The following ZXDC variants were observed in gnomAD, a reference collection of about 807,000 sequenced individuals.
The protein encoded by ZXDC is ZXD family zinc finger C, also known as zinc finger protein ZXDC.
ZXDC carries 58 observed loss-of-function variants against 63.6 expected under a neutral mutation model. The ratio of observed to expected loss-of-function variants is 0.91; its 90% CI spans 0.74 to 1.13. ZXDC has a LOEUF of 1.13. Ranked by LOEUF, ZXDC falls within the 50% of genes most tolerant of loss-of-function variation. The pLI, the probability that ZXDC is intolerant of heterozygous loss-of-function variation, is 0.00. For missense variants in ZXDC, 1,133 were observed against 1,148.9 expected, an observed-to-expected ratio of 0.99 and a Z score of 0.20; for synonymous variants, 561 against 496.1, an observed-to-expected ratio of 1.13 and a Z score of -1.74.
chr3:126,461,698 A>C lies in ZXDC; in HGVS notation c.1964T>G (p.Leu655Arg), dbSNP rs971920080. 6.2e-7 allele frequency: 1 copy of C among 1,609,482 alleles called. No individual in the cohort carries two copies. Among genetic ancestry groups the C allele is most frequent in the African/African-American group, 1.4e-5 (1 of 73,146 alleles). ...CGGCTCCACCTTGATTGGAGCCAGC[A>C]GTTCCGGGACACTGGCATTTTCTCG... The part of the protein sequence containing the change: ...TPRENASVPE[L>R]LAPIKVEPDS... The change falls in exon 6 of 10, where the codon CTG (leucine) becomes CGG (arginine). Residue 655 changes from leucine (L) to arginine (R), a missense_variant. Coordinates refer to ENST00000389709, the MANE Select transcript of ZXDC (RefSeq NM_025112.5).
At chr3:126,466,016 G>C in intron 5 of ZXDC, 139 bp downstream of exon 5, 2 of 934,214 alleles carry the variant, frequency 2.1e-6, no homozygotes, top group Non-Finnish European at 3.2e-6. Flanking sequence ...TGCAAAAGAG[G>C]CCACTTGGCT....
intron 7 of ZXDC, chr3:126,453,747 T>C (rs1168871602): frequency 1.0e-6 from 1 of 978,340 alleles, no homozygotes; most frequent in Non-Finnish European, 1.2e-6. Flanking sequence ...CAGGCTGCAG[T>C]GCAATGGTGC....
At chr3:126,454,109 TA>T in intron 7 of ZXDC, 1 of 946,632 alleles carries the variant, frequency 1.1e-6, no homozygotes, top group Non-Finnish European at 1.3e-6. Flanking sequence ...CCTGATGCCC[TA>T]ATTTGTTCCA....
At chr3:126,454,255 G>A in intron 7 of ZXDC, 2 of 984,520 alleles carry the variant, frequency 2.0e-6, no homozygotes, top group Non-Finnish European at 2.4e-6. Flanking sequence ...CTTTCAAACT[G>A]CTAGTTTCTA....
chr3:126,461,456 G>A, intron 6 of ZXDC, 79 bp downstream of exon 6: 1 of 1,504,698 alleles, frequency 6.6e-7, no homozygotes, highest in South Asian at 1.4e-5. Context: ...TGCATAGAAA[G>A]GATTAATCCA....
intron 7 of ZXDC, chr3:126,454,797 T>C (rs1320571402): frequency 1.0e-6 from 1 of 985,346 alleles, no homozygotes; most frequent in Admixed American, 6.1e-5. Context: ...AACTTTGCTA[T>C]TCATTTCAAG....
Position 126,461,026 on chromosome 3 carries a change from A to T in ZXDC, c.2127+509T>A, listed in dbSNP as rs965806908. 343 of 984,616 alleles carry T rather than the reference A, an allele frequency of 3.5e-4. 1 individual carries two copies. Among genetic ancestry groups the T allele is most frequent in the Non-Finnish European group, 4.0e-4 (328 of 829,260 alleles). 61.0% of individuals were successfully genotyped at this position (984,616 alleles called of 1,614,324 possible). A position where few individuals can be genotyped will look rare whatever the true frequency, so the allele number is the denominator to read the frequency against. On this transcript the variant is annotated intron_variant, in intron 6 of 9. Transcript: ENST00000389709. ...TAAAGTATATTAACTGTCCAGCCTC[A>T]AAACTGGGGAAGTACTCTTATAATC...
intron 1 of ZXDC, 146 bp downstream of exon 1, chr3:126,474,813 G>A: frequency 2.0e-6 from 2 of 995,446 alleles, no homozygotes; most frequent in Non-Finnish European, 2.9e-6. Context: ...CAAATCGAAT[G>A]ACATGGAAGG....
At chr3:126,464,186 C>T (rs537615360) in intron 5 of ZXDC, among the ~76,000 whole-genome samples, 1 of 152,338 alleles carries the variant, frequency 6.6e-6, no homozygotes, top group African/African-American at 2.4e-5. Flanking sequence ...TAAACATTTA[C>T]TACCAGAGAC....
intron 7 of ZXDC, among the ~76,000 whole-genome samples, chr3:126,448,362 A>T (rs1169608823): frequency 6.6e-6 from 1 of 152,218 alleles, no homozygotes; most frequent in African/African-American, 2.4e-5. Context: ...TGGTGCGCTC[A>T]GTACAGCCGT....
At chr3:126,466,961 C>T (rs1049682641) in intron 4 of ZXDC, among the ~76,000 whole-genome samples, 24 of 152,154 alleles carry the variant, frequency 1.6e-4, no homozygotes, top group African/African-American at 2.2e-4. Flanking sequence ...CTTTCTACTA[C>T]GCTGGAGCTC....
chr3:126,448,236 T>C (rs954413228), intron 7 of ZXDC, among the ~76,000 whole-genome samples: 2 of 152,354 alleles, frequency 1.3e-5, no homozygotes, highest in Middle Eastern at 3.4e-3. Context: ...TATTAGCTTT[T>C]ATTTGAGGTC....
Position 126,438,461 on chromosome 3 carries a change from C to T in ZXDC, c.2491G>A (p.Glu831Lys), listed in dbSNP as rs769944254. The change falls in exon 10 of 10, where the codon GAG becomes AAG. Residue 831 changes from glutamate (E) to lysine (K), a missense_variant and splice_region_variant. Coordinates refer to ENST00000389709, the MANE Select transcript of ZXDC (RefSeq NM_025112.5). The stretch of plus-strand genomic sequence containing the variant: ...GGGCCTCCAGATGAGGGGAGCACCT[C>T]CTGCAAAACCAAGCATTGTCATGAA... ...TVDLPVYVLQ[E>K]VLPSSGGPAG... The T allele has an allele frequency of 1.9e-6, 3 of 1,613,050 alleles. No homozygotes were observed. The highest frequency in any genetic ancestry group is 4.5e-5 in the East Asian group (2 of 44,822).
chr3:126,464,860 G>GGGCAATTTATTTAAATATAAAGCTGAAC, intron 5 of ZXDC, among the ~76,000 whole-genome samples: 1 of 152,306 alleles, frequency 6.6e-6, no homozygotes, highest in African/African-American at 2.4e-5. Flanking sequence ...AAAGCCAGAA[G>GGGCAATTTATTTAAATATAAAGCTGAAC]GGCAATTTAT....
chr3:126,457,218 A>G (rs1178416334), intron 7 of ZXDC: 2 of 977,020 alleles, frequency 2.0e-6, no homozygotes, highest in East Asian at 2.3e-4. Flanking sequence ...GGGGACTCTC[A>G]GCTGTGATAA....
intron 7 of ZXDC, among the ~76,000 whole-genome samples, chr3:126,447,195 G>A (rs887423596): frequency 6.6e-6 from 1 of 152,200 alleles, no homozygotes; most frequent in African/African-American, 2.4e-5. Context: ...GTTACTCTGG[G>A]ATTTTACAGG....
chr3:126,442,034 G>A (rs916009561), intron 7 of ZXDC, 88 bp from the exon 8 acceptor site: 2 of 1,366,228 alleles, frequency 1.5e-6, no homozygotes, highest in Non-Finnish European at 9.5e-7. Context: ...GGGGAAGACA[G>A]CCTTCCCATT....
chr3:126,444,519 G>C (rs371125063), intron 7 of ZXDC, among the ~76,000 whole-genome samples: 2 of 150,628 alleles, frequency 1.3e-5, no homozygotes, highest in Admixed American at 6.6e-5. Context: ...GTGACAGAGC[G>C]AGACTCCCTC....
Position 126,475,170 on chromosome 3 carries a change from G to C in ZXDC, c.696C>G (p.His232Gln). The change falls in exon 1 of 10, where the codon CAC (histidine) becomes CAG (glutamine). Residue 232 changes from histidine (H) to glutamine (Q), a missense_variant. Transcript: ENST00000389709. Reference sequence around the variant, plus strand: ...GACAGCCGAAGGGCCGCAGCTTGTCGTGCGACTGCAGGTGCCGCTTGAGCT... The same window carrying C: ...GACAGCCGAAGGGCCGCAGCTTGTCCTGCGACTGCAGGTGCCGCTTGAGCT... Reference protein sequence around the residue: ...SYKLKRHLQSHDKLRPFGCPV... With the variant: ...SYKLKRHLQSQDKLRPFGCPV... 1 of 1,602,092 alleles carries C rather than the reference G, an allele frequency of 6.2e-7. No homozygotes were observed. Among genetic ancestry groups the C allele is most frequent in the Non-Finnish European group, 8.5e-7 (1 of 1,174,358 alleles).
Sources: allele counts gnomAD v4.1 joint callset (sites outside exome capture counted in the v4.1 genomes callset), GRCh38; gene constraint gnomAD v4.1.1; transcripts MANE v1.5; gene names NCBI Gene and HGNC (gene_info 2026-07-23, HGNC 2026-07-21).